The following CDH12 variants were observed in gnomAD, a reference collection of about 807,000 sequenced individuals.
The protein encoded by CDH12 is cadherin-12.
Under a neutral mutation model 74.1 loss-of-function variants are expected in CDH12, and 41 were observed. The observed-to-expected ratio is 0.55, with a 90% confidence interval of 0.43 to 0.72. CDH12 has a LOEUF of 0.72. CDH12 is among the 30% of genes least tolerant of loss of function. The pLI is 0.00. For synonymous variants in CDH12, 399 were observed against 355.0 expected, an observed-to-expected ratio of 1.12 and a Z score of -1.39; for missense variants, 945 against 977.2, an observed-to-expected ratio of 0.97 and a Z score of 0.44.
chr5:21,861,072 A>C (rs1751019304), intron 6 of CDH12, among the ~76,000 whole-genome samples: 1 of 152,026 alleles, frequency 6.6e-6, no homozygotes, highest in Non-Finnish European at 1.5e-5. Flanking sequence ...TGTTGAGGGA[A>C]ACCTCAGGAA....
chr5:21,882,391 GA>G (rs1011085233), intron 6 of CDH12, among the ~76,000 whole-genome samples: 23 of 152,098 alleles, frequency 1.5e-4, no homozygotes, highest in African/African-American at 4.8e-4. Flanking sequence ...TTTTAAATCA[GA>G]AAAAAACAGG....
At chr5:22,069,214 C>T (rs1286313737) in intron 5 of CDH12, among the ~76,000 whole-genome samples, 1 of 152,196 alleles carries the variant, frequency 6.6e-6, no homozygotes, top group Admixed American at 6.5e-5. Flanking sequence ...AGTAATGAAC[C>T]CATGCTCATG....
At chr5:22,400,366 T>A (rs1297009770) in intron 3 of CDH12, among the ~76,000 whole-genome samples, 1 of 152,144 alleles carries the variant, frequency 6.6e-6, no homozygotes, top group African/African-American at 2.4e-5. Flanking sequence ...TTGAATGAAA[T>A]AATAGATTAG....
At chr5:22,110,920 C>G (rs919412748) in intron 4 of CDH12, among the ~76,000 whole-genome samples, 2 of 152,086 alleles carry the variant, frequency 1.3e-5, no homozygotes, top group African/African-American at 4.8e-5. Context: ...TAATTAAAGA[C>G]AACTTGAAGG....
chr5:22,092,713 G>A (rs553335580), intron 4 of CDH12, among the ~76,000 whole-genome samples: 97 of 152,094 alleles, frequency 6.4e-4, no homozygotes, highest in African/African-American at 2.3e-3. Flanking sequence ...AAAATATAGA[G>A]TTTATGAGAT....
chr5:22,719,724 T>C (rs1248855505), intron 1 of CDH12, among the ~76,000 whole-genome samples: 1 of 152,164 alleles, frequency 6.6e-6, no homozygotes, highest in Non-Finnish European at 1.5e-5. Context: ...ATAATCATAA[T>C]TTATAGATCC....
intron 1 of CDH12, among the ~76,000 whole-genome samples, chr5:22,724,518 A>G (rs1233435335): frequency 6.6e-6 from 1 of 152,004 alleles, no homozygotes; most frequent in East Asian, 1.9e-4. Context: ...TTCACTTAGA[A>G]TAATCACCTC....
In CDH12 at chr5:22,698,693, A is replaced by G. The variant is rs1185052956; in HGVS notation, c.-523+154365T>C. Among the ~76,000 whole-genome samples the G allele has an allele frequency of 1.9e-3, 14 of 7,208 alleles. 1 individual carries two copies. Among genetic ancestry groups the G allele is most frequent in the African/African-American group, 6.3e-3 (12 of 1,908 alleles). The allele number at this position is 7,208 out of a possible 152,430, so 4.7% of individuals were successfully genotyped here. On this transcript the variant is annotated intron_variant, in intron 1 of 14. Transcript: ENST00000382254. ...AATCCCCAGATATATATATATATAT[A>G]TATATATATATATATATATATATAT... is the stretch of plus-strand genomic sequence containing the variant.
intron 2 of CDH12, among the ~76,000 whole-genome samples, chr5:22,435,490 G>T (rs548322559): frequency 1.1e-5 from 1 of 89,572 alleles, no homozygotes; most frequent in Non-Finnish European, 2.2e-5. Flanking sequence ...ATATGTATGT[G>T]TATATATATG....
intron 3 of CDH12, among the ~76,000 whole-genome samples, chr5:22,230,088 A>G (rs937653454): frequency 2.0e-5 from 3 of 152,188 alleles, no homozygotes; most frequent in African/African-American, 7.2e-5. Context: ...GTAAAAATAC[A>G]TAGTTCAACA....
intron 6 of CDH12, among the ~76,000 whole-genome samples, chr5:21,953,325 A>G (rs1755950405): frequency 6.6e-6 from 1 of 152,222 alleles, no homozygotes; most frequent in African/African-American, 2.4e-5. Flanking sequence ...ACCTACCTGC[A>G]ATTACCTGCA....
chr5:22,105,651 T>G (rs1014787123), intron 4 of CDH12, among the ~76,000 whole-genome samples: 1 of 151,510 alleles, frequency 6.6e-6, no homozygotes, highest in Non-Finnish European at 1.5e-5. Flanking sequence ...TGGGCTGAGA[T>G]TGTGCCACTG....
chr5:22,591,090 G>A (rs1005049257), intron 1 of CDH12, among the ~76,000 whole-genome samples: 6 of 151,972 alleles, frequency 3.9e-5, no homozygotes, highest in Admixed American at 6.6e-5. Flanking sequence ...CAGCCTCCCC[G>A]TTAATGCAGT....
intron 5 of CDH12, among the ~76,000 whole-genome samples, chr5:22,031,315 CAG>C (rs35160432): frequency 6.6e-6 from 1 of 151,552 alleles, no homozygotes; most frequent in Non-Finnish European, 1.5e-5. Flanking sequence ...GCCTGGGCAA[CAG>C]AGACTCCATC....
intron 7 of CDH12, among the ~76,000 whole-genome samples, chr5:21,848,071 C>T (rs184064605): frequency 4.6e-4 from 70 of 152,152 alleles, no homozygotes; most frequent in Non-Finnish European, 8.4e-4. Flanking sequence ...AAGTGTTTAT[C>T]CTTCAGGAGA....
intron 1 of CDH12, among the ~76,000 whole-genome samples, chr5:22,550,545 A>G (rs1188758621): frequency 6.6e-6 from 1 of 152,188 alleles, no homozygotes. Flanking sequence ...CTTCAGAATA[A>G]CAAGTCGATT....
At chr5:22,258,793 G>C (rs1753409993) in intron 3 of CDH12, among the ~76,000 whole-genome samples, 1 of 152,098 alleles carries the variant, frequency 6.6e-6, no homozygotes, top group Non-Finnish European at 1.5e-5. Context: ...TGGAGACTAG[G>C]AGCAATAGGC....
chr5:22,262,906 C>A (rs951980391), intron 3 of CDH12, among the ~76,000 whole-genome samples: 4 of 151,718 alleles, frequency 2.6e-5, no homozygotes, highest in African/African-American at 9.7e-5. Context: ...AGGCAACCTA[C>A]AAAATGGGAG....
chr5:22,153,346 C>T (rs917379688), intron 4 of CDH12, among the ~76,000 whole-genome samples: 11 of 151,516 alleles, frequency 7.3e-5, no homozygotes, highest in Admixed American at 1.3e-4. Context: ...TTTTAAGACC[C>T]CCCTCCCATC....
Sources: allele counts gnomAD v4.1 joint callset (sites outside exome capture counted in the v4.1 genomes callset), GRCh38; gene constraint gnomAD v4.1.1; transcripts MANE v1.5; gene names NCBI Gene and HGNC (gene_info 2026-07-23, HGNC 2026-07-21).